Variants in LARGE1 observed in about 807,000 individuals in gnomAD.
LARGE1 encodes the protein LARGE xylosyl- and glucuronyltransferase 1.
Under a neutral mutation model 87.6 loss-of-function variants are expected in LARGE1, and 43 were observed. The observed-to-expected ratio is 0.49, with a 90% CI of 0.38 to 0.63. The LOEUF is 0.63. Ranked by LOEUF, LARGE1 falls within the 30% of genes least tolerant of loss-of-function variation. The pLI is 0.00. For missense variants in LARGE1, 802 were observed against 1,000.2 expected (o/e 0.80, Z 2.67); for synonymous variants, 434 against 394.6 (o/e 1.10, Z -1.18).
intron 6 of LARGE1, among the ~76,000 whole-genome samples, chr22:33,523,739 CTT>C (rs1200874430): frequency 3.3e-5 from 5 of 151,492 alleles, no homozygotes; most frequent in Middle Eastern, 3.4e-3. Flanking sequence ...TTAAAAATAA[CTT>C]TATTTTGAAA....
intron 10 of LARGE1, among the ~76,000 whole-genome samples, chr22:33,329,572 G>A (rs1342902771): frequency 6.6e-6 from 1 of 151,976 alleles, no homozygotes; most frequent in African/African-American, 2.4e-5. Flanking sequence ...GAACAGTCTG[G>A]GGCCATTTCC....
rs1270564145 is a variant in LARGE1 at position 33,248,356 on chromosome 22, T to A, written c.1730+55873A>T. Among the ~76,000 whole-genome samples the A allele has an allele frequency of 3.3e-5, 5 of 152,206 alleles. No homozygotes were observed. The South Asian group carries it at 8.3e-4, about 25-fold the overall frequency. ...GTGCGTGCCACCACACCTAGCTAAT[T>A]TTTTTGTGTATTTTTAGTAGAGAGG... On this transcript the variant is annotated intron_variant, in intron 11 of 11. Coordinates refer to the LARGE1 transcript ENST00000608642.
At chr22:33,096,561 TTTTTG>T in the LARGE1 span, among the ~76,000 whole-genome samples, 4 of 56,658 alleles carry the variant, frequency 7.1e-5, no homozygotes, top group African/African-American at 1.8e-4. Context: ...TTTGTTTTTG[TTTTTG>T]TTTTTTTTTT....
intron 5 of LARGE1, among the ~76,000 whole-genome samples, chr22:33,601,053 G>A (rs2079100743): frequency 6.6e-6 from 1 of 152,140 alleles, no homozygotes; most frequent in African/African-American, 2.4e-5. Flanking sequence ...CTGGGCGACA[G>A]AGCAAGACTC....
chr22:33,287,561 T>A (rs1346722728), intron 12 of LARGE1, among the ~76,000 whole-genome samples: 2 of 152,206 alleles, frequency 1.3e-5, no homozygotes, highest in East Asian at 3.8e-4. Flanking sequence ...AACTCTGAGC[T>A]CATCTGTTTA....
chr22:33,617,219 A>T (rs993876676), intron 4 of LARGE1, among the ~76,000 whole-genome samples: 1 of 152,148 alleles, frequency 6.6e-6, no homozygotes, highest in Admixed American at 6.5e-5. Flanking sequence ...AACATCCTAT[A>T]CTCAAGACTA....
At chr22:33,305,834 TTTTC>T (rs369625088) in intron 11 of LARGE1, among the ~76,000 whole-genome samples, 6 of 117,962 alleles carry the variant, frequency 5.1e-5, no homozygotes, top group East Asian at 2.0e-4. Context: ...AAACATTTCT[TTTTC>T]TTTTTCTTTT....
intron 6 of LARGE1, among the ~76,000 whole-genome samples, chr22:33,485,419 G>C: frequency 6.6e-6 from 1 of 151,374 alleles, no homozygotes; most frequent in Non-Finnish European, 1.5e-5. Context: ...TCACCATGTT[G>C]GTCAGGCTGG....
intron 5 of LARGE1, among the ~76,000 whole-genome samples, chr22:33,602,567 C>G (rs2079139793): frequency 6.6e-6 from 1 of 152,092 alleles, no homozygotes; most frequent in African/African-American, 2.4e-5. Context: ...ACGCATCTCA[C>G]TATGTTTCCC....
At chr22:33,388,550 A>G (rs1436329400) in intron 7 of LARGE1, among the ~76,000 whole-genome samples, 2 of 152,122 alleles carry the variant, frequency 1.3e-5, no homozygotes, top group African/African-American at 2.4e-5. Context: ...TACTTTCACC[A>G]ATCTCATGGG....
intron 1 of LARGE1, among the ~76,000 whole-genome samples, chr22:33,792,161 T>A (rs2085843960): frequency 6.6e-6 from 1 of 152,224 alleles, no homozygotes; most frequent in South Asian, 2.1e-4. Flanking sequence ...TAGGAGGTGA[T>A]ATGCTTTGGC....
chr22:33,139,052 G>A, the LARGE1 span, among the ~76,000 whole-genome samples: 2 of 152,108 alleles, frequency 1.3e-5, no homozygotes. Context: ...TTCTCTCTTT[G>A]CCTGATGCCA....
At chr22:33,786,470 G>C (rs2085644272) in intron 1 of LARGE1, among the ~76,000 whole-genome samples, 1 of 152,088 alleles carries the variant, frequency 6.6e-6, no homozygotes, top group Non-Finnish European at 1.5e-5. Context: ...GGAAAGGGTG[G>C]ACTCTTCTCT....
intron 6 of LARGE1, among the ~76,000 whole-genome samples, chr22:33,479,961 TCTCGAACTCCTGAC>T (rs1319314946): frequency 6.6e-6 from 1 of 152,108 alleles, no homozygotes; most frequent in Non-Finnish European, 1.5e-5. Flanking sequence ...GCCAGGCTGG[TCTCGAACTCCTGAC>T]CTCAGGTGAT....
At chr22:33,737,387 G>T (rs2083692984) in intron 2 of LARGE1, among the ~76,000 whole-genome samples, 1 of 152,164 alleles carries the variant, frequency 6.6e-6, no homozygotes, top group South Asian at 2.1e-4. Context: ...TGTCAGTTTT[G>T]TGGAAGTAAC....
intron 1 of LARGE1, among the ~76,000 whole-genome samples, chr22:33,872,868 C>T (rs1289718301): frequency 6.6e-6 from 1 of 152,082 alleles, no homozygotes; most frequent in Non-Finnish European, 1.5e-5. Context: ...GGTGTGGTGG[C>T]AGACACCTGT....
At chr22:33,824,486 A>G (rs983170607) in intron 1 of LARGE1, among the ~76,000 whole-genome samples, 11 of 152,200 alleles carry the variant, frequency 7.2e-5, no homozygotes, top group African/African-American at 2.2e-4. Flanking sequence ...CCATGATTCA[A>G]TCACCTCCCT....
chr22:33,168,864 T>C (rs909090731), intron 11 of LARGE1, among the ~76,000 whole-genome samples: 2 of 152,184 alleles, frequency 1.3e-5, no homozygotes, highest in African/African-American at 2.4e-5. Context: ...TACAAGAAGA[T>C]ATTAGAATTT....
At chr22:33,314,962 C>T (rs907615257) in intron 11 of LARGE1, among the ~76,000 whole-genome samples, 2 of 152,150 alleles carry the variant, frequency 1.3e-5, no homozygotes, top group Non-Finnish European at 2.9e-5. Flanking sequence ...GTAATCCCAG[C>T]ACTTTGGGAA....
Sources: allele counts gnomAD v4.1 joint callset (sites outside exome capture counted in the v4.1 genomes callset), GRCh38; gene constraint gnomAD v4.1.1; transcripts MANE v1.5; gene names NCBI Gene and HGNC (gene_info 2026-07-23, HGNC 2026-07-21).